CDH8: variants seen among roughly 807,000 people sequenced by gnomAD.
CDH8 encodes cadherin-8.
CDH8 carries 17 observed loss-of-function variants against 68.1 expected under a neutral mutation model. The observed-to-expected ratio is 0.25, with a 90% CI of 0.17 to 0.37. The LOEUF (loss-of-function observed/expected upper bound fraction) is 0.37, where lower values mean the gene tolerates loss of function less well. Among genes scored for constraint, CDH8 ranks in the 10% least tolerant of loss-of-function variants. The probability of loss-of-function intolerance (pLI) is 1.00; values close to 1 mark genes in which losing one functional copy is unlikely to be tolerated. For missense variants in CDH8, 763 were observed against 999.3 expected (o/e 0.76, Z 3.19); for synonymous variants, 372 against 365.1 (o/e 1.02, Z -0.21).
intron 7 of CDH8, among the ~76,000 whole-genome samples, chr16:61,807,395 C>T (rs1014713631): frequency 1.3e-4 from 19 of 151,060 alleles, no homozygotes; most frequent in Admixed American, 4.6e-4. Flanking sequence ...GTGGGTGCAG[C>T]GCACCAGCAT....
intron 2 of CDH8, among the ~76,000 whole-genome samples, chr16:61,960,383 GTGTGTATACACATACATATATACATATA>G (rs1965130171): frequency 7.5e-6 from 1 of 132,792 alleles, no homozygotes; most frequent in Non-Finnish European, 1.6e-5. Context: ...ATACATGTGT[GTGTGTATACACATACATATATACATATA>G]TGTGTGTGTG....
chr16:61,796,349 C>T (rs1051767237), intron 7 of CDH8, among the ~76,000 whole-genome samples: 4 of 151,830 alleles, frequency 2.6e-5, no homozygotes, highest in African/African-American at 9.7e-5. Context: ...TGCTCATTTG[C>T]AGAATTATTT....
chr16:61,666,798 G>A (rs773239946), intron 10 of CDH8, among the ~76,000 whole-genome samples: 19 of 151,912 alleles, frequency 1.3e-4, no homozygotes, highest in South Asian at 6.2e-4. Context: ...TCTTATCACC[G>A]TGTTGTGTCT....
intron 3 of CDH8, among the ~76,000 whole-genome samples, chr16:61,877,302 A>AT (rs988473480): frequency 3.1e-5 from 4 of 128,284 alleles, no homozygotes; most frequent in African/African-American, 1.2e-4. Flanking sequence ...ATATGGAATT[A>AT]TTTAAAAAAA....
At position 61,753,297 on chromosome 16, in the gene CDH8, T is replaced by C. The variant is rs565337265; in HGVS notation, c.1415-26082A>G. Among the ~76,000 whole-genome samples, 3 of 151,474 alleles carry C rather than the reference T, an allele frequency of 2.0e-5. No individual in the cohort carries two copies. The East Asian group carries it at 5.8e-4, about 29-fold the overall frequency. On this transcript the variant is annotated intron_variant, in intron 8 of 11. Transcript: ENST00000577390. ...CTCTGTCACCCAGACTGGAGTGCAG[T>C]GGTGCAATCTCGGCTCACTGCAACC...
intron 4 of CDH8, among the ~76,000 whole-genome samples, chr16:61,843,792 C>T (rs1962739040): frequency 6.6e-6 from 1 of 152,006 alleles, no homozygotes; most frequent in African/African-American, 2.4e-5. Flanking sequence ...GTTCTAGATC[C>T]CTGAGGAATC....
In CDH8 at chr16:61,648,233, T is replaced by C. The variant is rs1213189795; in HGVS notation, c.*5375A>G. ...TTCTGAACTTCATTTTTCCTATCCATAAAACACTACAATTTGGCAAACCTA... is the reference window on the plus strand; with the variant it reads ...TTCTGAACTTCATTTTTCCTATCCACAAAACACTACAATTTGGCAAACCTA... On this transcript the variant is annotated 3_prime_UTR_variant, in exon 12 of 12. Transcript: ENST00000577390. 1.2e-5 allele frequency: 2 copies of C among 163,726 alleles called. No individual in the cohort carries two copies. The highest frequency in any genetic ancestry group is 2.6e-5 in the Non-Finnish European group (2 of 76,074). The allele number at this position is 163,726 out of a possible 1,614,324, so 10.1% of individuals were successfully genotyped here.
intron 2 of CDH8, among the ~76,000 whole-genome samples, chr16:61,953,784 G>T (rs1009618687): frequency 6.6e-6 from 1 of 150,784 alleles, no homozygotes; most frequent in Non-Finnish European, 1.5e-5. Context: ...CGGGAGAATC[G>T]CTTGAGCCCA....
intron 8 of CDH8, among the ~76,000 whole-genome samples, chr16:61,735,593 T>C (rs1959656463): frequency 6.6e-6 from 1 of 152,116 alleles, no homozygotes; most frequent in African/African-American, 2.4e-5. Flanking sequence ...AAGTAATCCA[T>C]AGTATTTTAA....
At chr16:61,705,453 A>G (rs1171006424) in intron 10 of CDH8, among the ~76,000 whole-genome samples, 1 of 152,200 alleles carries the variant, frequency 6.6e-6, no homozygotes. Flanking sequence ...CTTTATCACC[A>G]AAGACAGTGA....
intron 10 of CDH8, among the ~76,000 whole-genome samples, chr16:61,706,453 T>C (rs940885337): frequency 6.6e-6 from 1 of 151,364 alleles, no homozygotes; most frequent in Admixed American, 6.6e-5. Context: ...TCGTCTCTAC[T>C]AAAAATGCAA....
chr16:62,002,682 CA>C (rs1243133487), intron 2 of CDH8, among the ~76,000 whole-genome samples: 1 of 152,014 alleles, frequency 6.6e-6, no homozygotes. Context: ...TTTATAAGAA[CA>C]AGTCAATAAA....
chr16:61,811,562 G>T lies in CDH8; in HGVS notation c.1277+5917C>A, dbSNP rs1202433635. On this transcript the variant is annotated intron_variant, in intron 7 of 11. Transcript: ENST00000577390. ...CTCACTTCTGAGTATTTATCCCAAA[G>T]AATTGAAATCAAGATATTAAAAAGA... Among the ~76,000 whole-genome samples, 5 of 152,118 alleles carry T rather than the reference G, an allele frequency of 3.3e-5. No individual in the cohort carries two copies. The East Asian group carries it at 9.7e-4, about 29-fold the overall frequency.
chr16:61,710,930 A>G (rs910677735), intron 10 of CDH8: 4 of 152,026 alleles, frequency 2.6e-5, no homozygotes, highest in Non-Finnish European at 5.9e-5. Context: ...AATGTGGTCA[A>G]CAAAACTCTC....
At chr16:61,961,060 A>G (rs1446031558) in intron 2 of CDH8, among the ~76,000 whole-genome samples, 1 of 152,144 alleles carries the variant, frequency 6.6e-6, no homozygotes, top group African/African-American at 2.4e-5. Context: ...TCATGCCTGT[A>G]ATTCCAGCAC....
At chr16:61,985,682 G>A (rs147476811) in intron 2 of CDH8, among the ~76,000 whole-genome samples, 5,394 of 151,996 alleles carry the variant, frequency 0.035, 232 homozygotes, top group African/African-American at 0.1. Context: ...AGTAGAGACG[G>A]GGGTTTCTCC....
rs139205505 is a variant in CDH8 at position 61,691,871 on chromosome 16, T to C, written c.1654+21970A>G. 368 of 152,264 alleles carry C rather than the reference T, an allele frequency of 2.4e-3. 2 individuals are homozygous for C. Among genetic ancestry groups the C allele is most frequent in the African/African-American group, 8.6e-3 (358 of 41,560 alleles). 9.4% of individuals were successfully genotyped at this position (152,264 alleles called of 1,614,324 possible). On this transcript the variant is annotated intron_variant, in intron 10 of 11. Coordinates refer to ENST00000577390, the MANE Select transcript of CDH8 (RefSeq NM_001796.5). Reference sequence around the variant, plus strand: ...TTTCCTGGCCACTGTGATCAACTTATTAGACATTGACAGCTGCTGAATTTT... The same window carrying C: ...TTTCCTGGCCACTGTGATCAACTTACTAGACATTGACAGCTGCTGAATTTT...
At chr16:61,795,828 T>C (rs985400466) in intron 7 of CDH8, among the ~76,000 whole-genome samples, 2 of 152,096 alleles carry the variant, frequency 1.3e-5, no homozygotes, top group African/African-American at 4.8e-5. Flanking sequence ...CCATAGAGCA[T>C]AGACTTCAAG....
intron 2 of CDH8, among the ~76,000 whole-genome samples, chr16:61,921,912 T>TCCCAGCTA (rs1331628935): frequency 1.3e-5 from 2 of 151,956 alleles, no homozygotes; most frequent in Admixed American, 1.3e-4. Context: ...GTGCCTGTAA[T>TCCCAGCTA]CCCAGCTACT....
Sources: allele counts gnomAD v4.1 joint callset (sites outside exome capture counted in the v4.1 genomes callset), GRCh38; gene constraint gnomAD v4.1.1; transcripts MANE v1.5; gene names NCBI Gene and HGNC (gene_info 2026-07-23, HGNC 2026-07-21).